NGLY1: variants seen among roughly 807,000 people sequenced by gnomAD.
The protein encoded by NGLY1 is N-glycanase 1, also known as peptide-N(4)-(N-acetyl-beta-glucosaminyl)asparagine amidase.
In NGLY1, 68 loss-of-function variants were observed where a neutral mutation model predicts 84.6. That is an observed-to-expected ratio of 0.80 (90% confidence interval 0.66 to 0.98). NGLY1 has a LOEUF of 0.98. Among genes scored for constraint, NGLY1 ranks in the 50% least tolerant of loss-of-function variants. NGLY1 has a pLI of 0.00. For missense variants in NGLY1, 779 were observed against 770.2 expected (o/e 1.01, Z -0.14); for synonymous variants, 280 against 275.2 (o/e 1.02, Z -0.17).
chr3:25,781,597 C>A (rs1184633680), intron 1 of NGLY1, among the ~76,000 whole-genome samples: 1 of 152,142 alleles, frequency 6.6e-6, no homozygotes, highest in Non-Finnish European at 1.5e-5. Context: ...TTGTCACACC[C>A]CTCATCTTTC....
At chr3:25,788,699 G>A (rs537832315) in intron 1 of NGLY1, among the ~76,000 whole-genome samples, 1 of 152,208 alleles carries the variant, frequency 6.6e-6, no homozygotes, top group Non-Finnish European at 1.5e-5. Flanking sequence ...GCAATGAAAA[G>A]AGATCAAGTT....
At chr3:25,780,390 G>A (rs1347984267) in intron 1 of NGLY1, among the ~76,000 whole-genome samples, 1 of 152,002 alleles carries the variant, frequency 6.6e-6, no homozygotes, top group Non-Finnish European at 1.5e-5. Context: ...TCGATAAATG[G>A]GGCATCTTTT....
intron 2 of NGLY1, among the ~76,000 whole-genome samples, chr3:25,773,915 C>T (rs1708022131): frequency 6.6e-6 from 1 of 152,134 alleles, no homozygotes; most frequent in Non-Finnish European, 1.5e-5. Context: ...AGTAGAGCTA[C>T]TGGGCTCTGA....
intron 3 of NGLY1, 33 bp downstream of exon 3, chr3:25,764,033 A>G (rs755358495): frequency 1.2e-6 from 2 of 1,607,110 alleles, no homozygotes; most frequent in South Asian, 1.1e-5. Flanking sequence ...ACTTTGAAAG[A>G]AACAGTTAAA....
chr3:25,774,070 T>A (rs1299802954), intron 2 of NGLY1, among the ~76,000 whole-genome samples: 1 of 152,188 alleles, frequency 6.6e-6, no homozygotes, highest in Non-Finnish European at 1.5e-5. Flanking sequence ...TTTTGTTTAG[T>A]GTGTTGGTTT....
chr3:25,737,128 C>A, intron 6 of NGLY1: 1 of 431,282 alleles, frequency 2.3e-6, no homozygotes, highest in Non-Finnish European at 4.1e-6. Flanking sequence ...TGCAAAGCAC[C>A]AGGCACAGTG....
intron 2 of NGLY1, among the ~76,000 whole-genome samples, chr3:25,770,919 T>C (rs908287186): frequency 6.6e-6 from 1 of 152,200 alleles, no homozygotes; most frequent in Non-Finnish European, 1.5e-5. Flanking sequence ...GCTGATTTGT[T>C]TGAGTTCCTT....
chr3:25,785,613 C>T (rs1255492415), upstream of NGLY1, among the ~76,000 whole-genome samples: 4 of 149,824 alleles, frequency 2.7e-5, no homozygotes, highest in Admixed American at 1.3e-4. Context: ...GTAGGTGGAT[C>T]GCTTGAGCCC....
At position 25,732,463 on chromosome 3, in the gene NGLY1, T is replaced by C; in HGVS notation, c.1281A>G (p.Glu427=). 6.2e-7 allele frequency: 1 copy of C among 1,613,214 alleles called. No individual in the cohort carries two copies. The highest frequency in any genetic ancestry group is 8.5e-7 in the Non-Finnish European group (1 of 1,179,502). The stretch of plus-strand genomic sequence containing the variant: ...TCTGGAGAAGTTCTTTCCTTCTGTT[T>C]TCTGACAAAAACAGTTGCCTCTGTA... The part of the protein sequence containing the change: ...LNKQRQLFLS[E]NRRKELLQRI... Residue 427 remains glutamate, a synonymous_variant, in exon 9 of 12, where the codon GAA becomes GAG. Coordinates refer to ENST00000280700, the MANE Select transcript of NGLY1 (RefSeq NM_018297.4).
chr3:25,782,774 C>G (rs1374755896), intron 1 of NGLY1: 1 of 155,398 alleles, frequency 6.4e-6, no homozygotes, highest in African/African-American at 2.4e-5. Context: ...CTCGGATAGT[C>G]TCAACATGGG....
Position 25,733,509 on chromosome 3 carries a change from GTGTGTGTA to G in NGLY1, c.1260+355_1260+362del, listed in dbSNP as rs1435153513. Among the ~76,000 whole-genome samples, 511 of 140,406 alleles carry G rather than the reference GTGTGTGTA, an allele frequency of 3.6e-3. 2 individuals are homozygous for G. The highest frequency in any genetic ancestry group is 0.013 in the African/African-American group (477 of 37,974). 92.1% of individuals were successfully genotyped at this position (140,406 alleles called of 152,430 possible). Reference sequence around the variant, plus strand: ...TGTGTGTGTGTGTGTGTGTGTGTGTGTGTGTGTATGTACATACATAATACATAAATATG... The same window carrying G: ...TGTGTGTGTGTGTGTGTGTGTGTGTGTGTACATACATAATACATAAATATG... On this transcript the variant is annotated intron_variant, in intron 8 of 11. Transcript: ENST00000280700.
intron 2 of NGLY1, among the ~76,000 whole-genome samples, chr3:25,767,990 G>A (rs1403664747): frequency 6.6e-6 from 1 of 150,832 alleles, no homozygotes; most frequent in Non-Finnish European, 1.5e-5. Flanking sequence ...GCAGGCACCT[G>A]TAATCCCAGC....
rs1199907335 is a variant in NGLY1, at chr3:25,751,036, T to G, written c.658+62A>C. On this transcript the variant is annotated intron_variant, in intron 4 of 11. Coordinates refer to ENST00000280700, the MANE Select transcript of NGLY1 (RefSeq NM_018297.4). ...TCTTCAAGGGTCAGTTGTATTTCAG[T>G]ATTTTCTGTTTATTTAGCAATGATT... is the stretch of plus-strand genomic sequence containing the variant. The G allele has an allele frequency of 2.0e-6, 3 of 1,505,136 alleles. No homozygotes were observed. In the African/African-American group the frequency reaches 4.2e-5, roughly 21 times the overall value. The allele number at this position is 1,505,136 out of a possible 1,614,324, so 93.2% of individuals were successfully genotyped here. A position where few individuals can be genotyped will look rare whatever the true frequency, so the allele number is the denominator to read the frequency against.
intron 4 of NGLY1, among the ~76,000 whole-genome samples, chr3:25,744,797 G>T (rs1235896901): frequency 6.6e-6 from 1 of 152,160 alleles, no homozygotes; most frequent in Non-Finnish European, 1.5e-5. Context: ...TCTTCTTCCT[G>T]ATGTTTGGTC....
chr3:25,785,826 T>A (rs542865657), upstream of NGLY1, among the ~76,000 whole-genome samples: 5 of 152,222 alleles, frequency 3.3e-5, no homozygotes, highest in Admixed American at 2.0e-4. Context: ...AGGGTACTTT[T>A]GTGGGGGAAC....
chr3:25,747,021 A>G (rs1223974011), intron 4 of NGLY1, among the ~76,000 whole-genome samples: 13 of 152,188 alleles, frequency 8.5e-5, no homozygotes, highest in Admixed American at 8.5e-4. Flanking sequence ...TTTTTAGTAC[A>G]GACGGGGTTT....
chr3:25,723,282 C>T (rs1705096362), intron 10 of NGLY1, among the ~76,000 whole-genome samples: 1 of 152,098 alleles, frequency 6.6e-6, no homozygotes, highest in Non-Finnish European at 1.5e-5. Context: ...GCATCATCAG[C>T]TTTTAAGACT....
Position 25,719,480 on chromosome 3 carries a change from T to TA in NGLY1, c.1944dup (p.Ile649TyrfsTer5), listed in dbSNP as rs1704866160. 6.2e-7 allele frequency: 1 copy of TA among 1,613,812 alleles called. No individual in the cohort carries two copies. Among genetic ancestry groups the TA allele is most frequent in the African/African-American group, 1.3e-5 (1 of 75,054 alleles). On this transcript the variant is annotated frameshift_variant, in exon 12 of 12. Transcript: ENST00000280700. LOFTEE classifies it high-confidence loss of function. Reference sequence around the variant, plus strand: ...GGTTCTCAAAGGTCACTGAATTTTATAATTATCTCCAAACAATTTTCTTCA... The same window carrying TA: ...GGTTCTCAAAGGTCACTGAATTTTATAAATTATCTCCAAACAATTTTCTTCA...
chr3:25,733,612 A>G (rs368957434), intron 8 of NGLY1, among the ~76,000 whole-genome samples: 1 of 152,160 alleles, frequency 6.6e-6, no homozygotes, highest in East Asian at 1.9e-4. Flanking sequence ...AGGTACTACC[A>G]ATACTGAAAT....
Sources: gnomAD v4.1 joint callset for allele counts (sites outside exome capture counted in the v4.1 genomes callset) on GRCh38, gnomAD v4.1.1 for gene constraint, MANE v1.5 for transcripts, NCBI Gene and HGNC (gene_info 2026-07-23, HGNC 2026-07-21) for gene names.